MITF: variants seen among roughly 807,000 people sequenced by gnomAD.
MITF encodes the protein melanocyte inducing transcription factor.
In MITF, 17 loss-of-function variants were observed where a neutral mutation model predicts 60.5. The observed-to-expected ratio is 0.28, with a 90% CI of 0.19 to 0.42. The LOEUF (loss-of-function observed/expected upper bound fraction) is 0.42, where lower values mean the gene tolerates loss of function less well. MITF is among the 10% of genes least tolerant of loss of function. The pLI is 1.00. For synonymous variants in MITF, 260 were observed against 248.5 expected (o/e 1.05, Z -0.43); for missense variants, 622 against 683.5 (o/e 0.91, Z 1.00).
intron 1 of MITF, among the ~76,000 whole-genome samples, chr3:69,858,542 G>GA (rs952394830): frequency 5.9e-5 from 9 of 152,028 alleles, no homozygotes; most frequent in Non-Finnish European, 1.0e-4. Flanking sequence ...TGTTTACATA[G>GA]AAAAAATATA....
intron 1 of MITF, among the ~76,000 whole-genome samples, chr3:69,853,972 T>C (rs1251328673): frequency 3.3e-5 from 5 of 151,484 alleles, no homozygotes; most frequent in African/African-American, 1.2e-4. Context: ...GTGACTCTCC[T>C]GCCAGTAGCT....
At chr3:69,950,471 T>C (rs1446745901) in intron 6 of MITF, among the ~76,000 whole-genome samples, 2 of 148,156 alleles carry the variant, frequency 1.3e-5, no homozygotes. Flanking sequence ...TATATATATA[T>C]ATATATGCAC....
chr3:69,842,003 A>G (rs767143400), intron 1 of MITF, among the ~76,000 whole-genome samples: 12 of 152,220 alleles, frequency 7.9e-5, no homozygotes, highest in Non-Finnish European at 1.5e-4. Flanking sequence ...TAAGCTTTAC[A>G]TAACTCTTTG....
At chr3:69,810,313 A>G (rs758812286) in intron 1 of MITF, among the ~76,000 whole-genome samples, 18 of 152,082 alleles carry the variant, frequency 1.2e-4, no homozygotes, top group Non-Finnish European at 1.8e-4. Flanking sequence ...GTCATATTTT[A>G]TCTTAAATGT....
At chr3:69,884,045 C>A (rs548419776) in intron 2 of MITF, among the ~76,000 whole-genome samples, 31 of 152,286 alleles carry the variant, frequency 2.0e-4, no homozygotes, top group African/African-American at 7.2e-4. Flanking sequence ...CCTCATTTCC[C>A]TGCAGAATCT....
intron 2 of MITF, among the ~76,000 whole-genome samples, chr3:69,932,285 A>T (rs1386441374): frequency 1.3e-5 from 2 of 152,246 alleles, no homozygotes; most frequent in African/African-American, 4.8e-5. Context: ...ACAACATGTC[A>T]ACTAATGGGT....
chr3:69,739,541 T>G lies in MITF; in HGVS notation c.-57T>G, dbSNP rs1703446435. 1 of 1,482,188 alleles carries G rather than the reference T, an allele frequency of 6.7e-7. No homozygotes were observed. The highest frequency in any genetic ancestry group is 2.0e-5 in the Admixed American group (1 of 50,864). 91.8% of individuals were successfully genotyped at this position (1,482,188 alleles called of 1,614,324 possible). ...GGGACCCAGGCCCAGCTACCTTCCC[T>G]CCGCCCCCGGGCTCTGTTCTCACTT... is the stretch of plus-strand genomic sequence containing the variant. On this transcript the variant is annotated 5_prime_UTR_variant, in exon 1 of 10. Transcript: ENST00000352241.
At chr3:69,846,879 TA>T (rs1207168631) in intron 1 of MITF, among the ~76,000 whole-genome samples, 2 of 151,816 alleles carry the variant, frequency 1.3e-5, no homozygotes, top group Admixed American at 1.3e-4. Flanking sequence ...GCTGATTGTT[TA>T]ATACAATCCC....
chr3:69,920,006 C>A (rs2065426864), intron 2 of MITF, among the ~76,000 whole-genome samples: 1 of 152,074 alleles, frequency 6.6e-6, no homozygotes, highest in South Asian at 2.1e-4. Flanking sequence ...ATATGAATAT[C>A]ATTAATCATT....
At chr3:69,906,802 G>C (rs1460761328) in intron 2 of MITF, among the ~76,000 whole-genome samples, 1 of 152,156 alleles carries the variant, frequency 6.6e-6, no homozygotes, top group Non-Finnish European at 1.5e-5. Flanking sequence ...AATATGCCCA[G>C]ATGGAGAGCA....
intron 1 of MITF, among the ~76,000 whole-genome samples, chr3:69,877,156 ATAGG>A (rs1298797485): frequency 1.3e-5 from 2 of 152,216 alleles, no homozygotes; most frequent in Non-Finnish European, 2.9e-5. Context: ...ATTTAAAAAA[ATAGG>A]TAGTATTTTA....
chr3:69,853,995 G>T (rs2063871362), intron 1 of MITF, among the ~76,000 whole-genome samples: 1 of 151,640 alleles, frequency 6.6e-6, no homozygotes, highest in African/African-American at 2.4e-5. Flanking sequence ...GATTACAGGT[G>T]CACGCCACCA....
At chr3:69,936,462 A>G in intron 2 of MITF, 5 of 592,638 alleles carry the variant, frequency 8.4e-6, no homozygotes, top group Non-Finnish European at 1.3e-5. Flanking sequence ...AGGGGGAAAA[A>G]TTGATATCAA....
chr3:69,831,090 A>G (rs1031521149), intron 1 of MITF, among the ~76,000 whole-genome samples: 2 of 152,146 alleles, frequency 1.3e-5, no homozygotes, highest in African/African-American at 4.8e-5. Context: ...CTGAGGCTGA[A>G]ATGAGATGAT....
chr3:69,938,845 T>C, intron 3 of MITF: 1 of 1,417,016 alleles, frequency 7.1e-7, no homozygotes, highest in Non-Finnish European at 9.2e-7. Context: ...GGATTGATTT[T>C]AATTTCTAGA....
Position 69,810,548 on chromosome 3 carries a change from CA to C in MITF, c.105-68582del, listed in dbSNP as rs371619713. On this transcript the variant is annotated intron_variant, in intron 1 of 9. Coordinates refer to ENST00000352241, the MANE Select transcript of MITF (RefSeq NM_001354604.2). ...TAACATACTAGTTTTGATCTTTTATCAAAAGATCAGTTTTGATTAACTCCCT... is the reference window on the plus strand; with the variant it reads ...TAACATACTAGTTTTGATCTTTTATCAAAGATCAGTTTTGATTAACTCCCT... Among the ~76,000 whole-genome samples, 1,035 of 152,216 alleles carry C rather than the reference CA, an allele frequency of 6.8e-3. 9 individuals carry two copies. Among genetic ancestry groups the C allele is most frequent in the African/African-American group, 0.023 (963 of 41,564 alleles).
chr3:69,879,750 C>T (rs914944826), intron 2 of MITF, among the ~76,000 whole-genome samples: 7 of 151,982 alleles, frequency 4.6e-5, no homozygotes, highest in Non-Finnish European at 1.0e-4. Flanking sequence ...CCTTCCATAG[C>T]CACTCTTTAC....
intron 2 of MITF, among the ~76,000 whole-genome samples, chr3:69,919,106 A>G (rs1050849034): frequency 2.0e-5 from 3 of 152,200 alleles, no homozygotes; most frequent in African/African-American, 7.2e-5. Flanking sequence ...CCATATTTCA[A>G]TACCAAAACG....
chr3:69,906,578 A>C (rs777193106), intron 2 of MITF, among the ~76,000 whole-genome samples: 1 of 152,168 alleles, frequency 6.6e-6, no homozygotes, highest in Non-Finnish European at 1.5e-5. Context: ...AATTTTCCCA[A>C]ATAGCAGAGG....
Sources: allele counts gnomAD v4.1 joint callset (sites outside exome capture counted in the v4.1 genomes callset), GRCh38; gene constraint gnomAD v4.1.1; transcripts MANE v1.5; gene names NCBI Gene and HGNC (gene_info 2026-07-23, HGNC 2026-07-21).